NIPAL2: variants seen among roughly 807,000 people sequenced by gnomAD.
NIPAL2 encodes NIPA-like protein 2.
In NIPAL2, 43 loss-of-function variants were observed where a neutral mutation model predicts 48.9. The ratio of observed to expected loss-of-function variants is 0.88; its 90% confidence interval spans 0.69 to 1.13. The LOEUF (loss-of-function observed/expected upper bound fraction) is 1.13. Among genes scored for constraint, NIPAL2 ranks in the 50% most tolerant of loss-of-function variants. The pLI is 0.00. For missense variants in NIPAL2, 446 were observed against 461.4 expected, an observed-to-expected ratio of 0.97 and a Z score of 0.31; for synonymous variants, 167 against 174.6, an observed-to-expected ratio of 0.96 and a Z score of 0.34.
At chr8:98,219,345 G>C (rs1391451772) in intron 5 of NIPAL2, among the ~76,000 whole-genome samples, 2 of 152,118 alleles carry the variant, frequency 1.3e-5, no homozygotes, top group Non-Finnish European at 2.9e-5. Context: ...CGTTGGAAGA[G>C]TGTGCAGCAT....
intron 7 of NIPAL2, 120 bp from the exon 8 acceptor site, chr8:98,203,316 G>A: frequency 1.4e-6 from 1 of 732,112 alleles, no homozygotes; most frequent in Non-Finnish European, 2.4e-6. Context: ...GAGGTGCAGT[G>A]AAAGGGCATT....
chr8:98,193,217 G>T, intron 10 of NIPAL2, 127 bp from the exon 11 acceptor site: 2 of 1,042,340 alleles, frequency 1.9e-6, no homozygotes, highest in Non-Finnish European at 3.0e-6. Context: ...TCTCTAAAGA[G>T]AAGAGATGAA....
chr8:98,251,313 C>A (rs931911630), intron 3 of NIPAL2, among the ~76,000 whole-genome samples: 7 of 152,146 alleles, frequency 4.6e-5, no homozygotes, highest in Admixed American at 3.3e-4. Flanking sequence ...ATAACTAGAT[C>A]TTTTATCTGT....
chr8:98,271,720 T>A (rs2130879476), intron 1 of NIPAL2, among the ~76,000 whole-genome samples: 1 of 151,428 alleles, frequency 6.6e-6, no homozygotes, highest in East Asian at 1.9e-4. Flanking sequence ...GATAGGACTT[T>A]TATGTTGAAT....
chr8:98,257,146 A>G, intron 1 of NIPAL2, among the ~76,000 whole-genome samples: 1 of 152,124 alleles, frequency 6.6e-6, no homozygotes. Context: ...GACATACCTC[A>G]TTATACCCTC....
intron 8 of NIPAL2, 140 bp downstream of exon 8, chr8:98,202,968 A>T (rs957490660): frequency 1.2e-5 from 8 of 664,030 alleles, no homozygotes; most frequent in Non-Finnish European, 1.8e-5. Flanking sequence ...CTCCTGGAAG[A>T]TTGTCATAGG....
intron 6 of NIPAL2, among the ~76,000 whole-genome samples, chr8:98,208,192 T>C (rs1179655143): frequency 6.6e-6 from 1 of 152,250 alleles, no homozygotes; most frequent in African/African-American, 2.4e-5. Flanking sequence ...ATAATTACCA[T>C]GTATACTTTC....
At chr8:98,226,465 T>C (rs1812177307) in intron 4 of NIPAL2, among the ~76,000 whole-genome samples, 2 of 152,222 alleles carry the variant, frequency 1.3e-5, no homozygotes, top group South Asian at 4.1e-4. Flanking sequence ...AGTAATGCTG[T>C]AGTTCTTGCA....
intron 1 of NIPAL2, among the ~76,000 whole-genome samples, chr8:98,257,603 T>C (rs1200546866): frequency 6.6e-6 from 1 of 152,112 alleles, no homozygotes; most frequent in African/African-American, 2.4e-5. Flanking sequence ...CTGTCTCTTA[T>C]GGGGAAAATC....
intron 4 of NIPAL2, among the ~76,000 whole-genome samples, chr8:98,227,683 G>A (rs923737250): frequency 1.3e-5 from 2 of 152,140 alleles, no homozygotes; most frequent in Non-Finnish European, 2.9e-5. Context: ...AAGAAAGGAG[G>A]CTCTCCCAGA....
chr8:98,222,628 AAATTGAAACCAAC>A, intron 4 of NIPAL2, 28 bp from the exon 5 acceptor site: 1 of 1,610,410 alleles, frequency 6.2e-7, no homozygotes, highest in Non-Finnish European at 8.5e-7. Context: ...AAGAAAAACC[AAATTGAAACCAAC>A]CTAAAGCTTT....
At chr8:98,265,281 A>G (rs1442418533) in intron 1 of NIPAL2, among the ~76,000 whole-genome samples, 3 of 151,402 alleles carry the variant, frequency 2.0e-5, no homozygotes, top group African/African-American at 4.9e-5. Context: ...ATTGACAAAT[A>G]GGATCTAATT....
In NIPAL2 at chr8:98,206,843, A is replaced by G. The variant is rs560307100; in HGVS notation, c.656-1597T>C. 5.9e-5 allele frequency among the ~76,000 whole-genome samples: 9 copies of G among 152,204 alleles called. No homozygotes were observed. In the South Asian group the frequency reaches 1.5e-3, roughly 25 times the overall value. On this transcript the variant is annotated intron_variant, in intron 6 of 10. Transcript: ENST00000430223. ...GGAGATCAGGTGATAAATTCTAAAAACAAACCCCACTTCTCAACAAAGAGG... is the reference window on the plus strand; with the variant it reads ...GGAGATCAGGTGATAAATTCTAAAAGCAAACCCCACTTCTCAACAAAGAGG...
chr8:98,266,065 A>G (rs1439884565), intron 1 of NIPAL2, among the ~76,000 whole-genome samples: 1 of 143,134 alleles, frequency 7.0e-6, no homozygotes, highest in Non-Finnish European at 1.5e-5. Context: ...TCTCACTCAT[A>G]GGTGGGAATT....
chr8:98,259,231 C>A (rs991259391), intron 1 of NIPAL2, among the ~76,000 whole-genome samples: 19 of 150,882 alleles, frequency 1.3e-4, no homozygotes, highest in African/African-American at 4.4e-4. Context: ...CGCGCGCCAC[C>A]ATGCCCGGCT....
chr8:98,193,264 G>T, intron 10 of NIPAL2, 174 bp from the exon 11 acceptor site: 1 of 1,185,120 alleles, frequency 8.4e-7, no homozygotes. Context: ...CGCCATGTCT[G>T]TAGCTATGTG....
At chr8:98,292,058 C>T (rs1710022055) in intron 1 of NIPAL2, among the ~76,000 whole-genome samples, 1 of 152,236 alleles carries the variant, frequency 6.6e-6, no homozygotes, top group African/African-American at 2.4e-5. Flanking sequence ...TCAGCCAACA[C>T]ACACTGTGCA....
At chr8:98,236,851 C>CAA (rs34210829) in intron 3 of NIPAL2, among the ~76,000 whole-genome samples, 4,698 of 66,538 alleles carry the variant, frequency 0.071, 286 homozygotes, top group Middle Eastern at 0.15. Context: ...GATCCTGTCT[C>CAA]AAAAAAAAAA....
rs368094597 is a variant in NIPAL2, at chr8:98,199,106, G to A, written c.881-3101C>T. On this transcript the variant is annotated intron_variant, in intron 8 of 10. Transcript: ENST00000430223. ...CAAGTAGCTGCGATTACAGTCATGTGCCACCATGCCCGGCTAATTTTGTAT... is the reference window on the plus strand; with the variant it reads ...CAAGTAGCTGCGATTACAGTCATGTACCACCATGCCCGGCTAATTTTGTAT... 5.3e-5 allele frequency among the ~76,000 whole-genome samples: 8 copies of A among 151,908 alleles called. No individual in the cohort carries two copies. The East Asian group carries it at 7.7e-4, about 15-fold the overall frequency.
Sources: allele counts gnomAD v4.1 joint callset (sites outside exome capture counted in the v4.1 genomes callset), GRCh38; gene constraint gnomAD v4.1.1; transcripts MANE v1.5; gene names NCBI Gene and HGNC (gene_info 2026-07-23, HGNC 2026-07-21).